STXBP5L: variants seen among roughly 807,000 people sequenced by gnomAD.
STXBP5L encodes syntaxin-binding protein 5-like.
A neutral mutation model predicts 144.5 loss-of-function variants in STXBP5L; 65 were observed. The ratio of observed to expected loss-of-function variants is 0.45; its 90% CI spans 0.37 to 0.55. The LOEUF is 0.55. Among genes scored for constraint, STXBP5L ranks in the 20% least tolerant of loss-of-function variants. The probability of loss-of-function intolerance (pLI) is 0.00; values close to 1 mark genes in which losing one functional copy is unlikely to be tolerated. For synonymous variants in STXBP5L, 505 were observed against 469.6 expected, an observed-to-expected ratio of 1.08 and a Z score of -0.97; for missense variants, 1,298 against 1,405.5, an observed-to-expected ratio of 0.92 and a Z score of 1.22.
intron 3 of STXBP5L, among the ~76,000 whole-genome samples, chr3:120,988,107 T>C (rs1942479423): frequency 1.3e-5 from 2 of 151,586 alleles, no homozygotes; most frequent in Non-Finnish European, 3.0e-5. Flanking sequence ...CTGCAGTTGA[T>C]TTTCTCTTTT....
chr3:120,913,643 C>T (rs2107556403), intron 2 of STXBP5L, among the ~76,000 whole-genome samples: 1 of 152,110 alleles, frequency 6.6e-6, no homozygotes, highest in South Asian at 2.1e-4. Context: ...TCTGTGTGGA[C>T]TTCTCTTCCA....
chr3:120,930,308 A>T (rs1040564355), intron 2 of STXBP5L, among the ~76,000 whole-genome samples: 1 of 151,628 alleles, frequency 6.6e-6, no homozygotes, highest in African/African-American at 2.4e-5. Flanking sequence ...ATTCTCTCTT[A>T]ACTGTTATTT....
intron 22 of STXBP5L, among the ~76,000 whole-genome samples, chr3:121,393,219 G>A (rs1336205651): frequency 6.9e-6 from 1 of 145,856 alleles, no homozygotes; most frequent in Non-Finnish European, 1.5e-5. Context: ...TTGGCCATTT[G>A]TATGTGTTGT....
At chr3:121,173,105 C>T (rs1219217145) in intron 9 of STXBP5L, among the ~76,000 whole-genome samples, 1 of 151,924 alleles carries the variant, frequency 6.6e-6, no homozygotes, top group African/African-American at 2.4e-5. Context: ...CATGTTCTCA[C>T]TCATAATTGG....
chr3:120,956,848 A>G (rs1938092720), intron 3 of STXBP5L, among the ~76,000 whole-genome samples: 1 of 151,784 alleles, frequency 6.6e-6, no homozygotes, highest in South Asian at 2.1e-4. Context: ...CAAGTTGGCT[A>G]TTTTTTTCTT....
intron 19 of STXBP5L, among the ~76,000 whole-genome samples, chr3:121,294,650 A>G (rs533761444): frequency 1.3e-5 from 2 of 152,182 alleles, no homozygotes; most frequent in African/African-American, 4.8e-5. Flanking sequence ...AAAGCAAGAG[A>G]GAGAGATAAG....
chr3:120,945,042 T>C (rs1300935631), intron 2 of STXBP5L, among the ~76,000 whole-genome samples: 1 of 151,892 alleles, frequency 6.6e-6, no homozygotes, highest in Non-Finnish European at 1.5e-5. Context: ...GGCTTTTGTT[T>C]ACCAAAGTGG....
At chr3:120,969,773 T>G (rs1940028987) in intron 3 of STXBP5L, among the ~76,000 whole-genome samples, 1 of 152,006 alleles carries the variant, frequency 6.6e-6, no homozygotes, top group African/African-American at 2.4e-5. Flanking sequence ...CTTGCACTCT[T>G]TTAATTGAAG....
At chr3:121,402,418 C>T (rs969236962) in intron 22 of STXBP5L, among the ~76,000 whole-genome samples, 1 of 152,152 alleles carries the variant, frequency 6.6e-6, no homozygotes, top group Non-Finnish European at 1.5e-5. Context: ...TCACTGGAAC[C>T]TTAATCTATT....
At chr3:120,977,984 C>G (rs1941281574) in intron 3 of STXBP5L, among the ~76,000 whole-genome samples, 1 of 152,154 alleles carries the variant, frequency 6.6e-6, no homozygotes, top group African/African-American at 2.4e-5. Flanking sequence ...AACATTTTTT[C>G]CTTCATTTCA....
chr3:121,380,090 C>T (rs1404038678), intron 21 of STXBP5L, among the ~76,000 whole-genome samples: 1 of 152,068 alleles, frequency 6.6e-6, no homozygotes, highest in Non-Finnish European at 1.5e-5. Flanking sequence ...TACAGACAGG[C>T]ATTAGCCACC....
chr3:121,102,561 G>T (rs909847554), intron 5 of STXBP5L, among the ~76,000 whole-genome samples: 2 of 152,020 alleles, frequency 1.3e-5, no homozygotes, highest in Non-Finnish European at 2.9e-5. Flanking sequence ...ACTCAAGAGG[G>T]TTTAAAGCTC....
At chr3:121,194,909 C>CTTTTTTTTTTTTT (rs10717806) in intron 9 of STXBP5L, among the ~76,000 whole-genome samples, 8 of 68,494 alleles carry the variant, frequency 1.2e-4, no homozygotes, top group African/African-American at 1.2e-4. Flanking sequence ...TCTTTTCACT[C>CTTTTTTTTTTTTT]TTTTTTTTTT....
intron 20 of STXBP5L, among the ~76,000 whole-genome samples, chr3:121,340,506 G>A (rs1188713509): frequency 6.1e-5 from 4 of 65,496 alleles, no homozygotes; most frequent in African/African-American, 1.8e-4. Flanking sequence ...GACAGGCCCC[G>A]GTGTGTGATA....
At chr3:121,233,833 A>G in intron 12 of STXBP5L, 145 bp downstream of exon 12, 1 of 606,488 alleles carries the variant, frequency 1.6e-6, no homozygotes, top group Non-Finnish European at 2.6e-6. Context: ...AATGGTGAAA[A>G]TTAAACCAGA....
At chr3:121,273,726 ATTCTT>A (rs1391341230) in intron 18 of STXBP5L, among the ~76,000 whole-genome samples, 1 of 151,152 alleles carries the variant, frequency 6.6e-6, no homozygotes, top group Admixed American at 6.6e-5. Flanking sequence ...CCTCTTTTCT[ATTCTT>A]ATCTATTTTT....
chr3:120,995,770 ACAAT>A (rs1266409465), intron 3 of STXBP5L, among the ~76,000 whole-genome samples: 2 of 152,130 alleles, frequency 1.3e-5, no homozygotes, highest in African/African-American at 4.8e-5. Context: ...TGTGGATTCA[ACAAT>A]CAAATATGAC....
chr3:121,155,456 T>C (rs2046081666), intron 8 of STXBP5L, among the ~76,000 whole-genome samples: 1 of 151,862 alleles, frequency 6.6e-6, no homozygotes, highest in East Asian at 1.9e-4. Context: ...GATATTGTTA[T>C]CCAGTTTTTT....
intron 9 of STXBP5L, among the ~76,000 whole-genome samples, chr3:121,197,135 G>A (rs926461171): frequency 6.6e-5 from 10 of 151,794 alleles, no homozygotes; most frequent in South Asian, 6.2e-4. Flanking sequence ...CGTTTCTTTC[G>A]TTTGTTATTC....
Sources: allele counts gnomAD v4.1 joint callset (sites outside exome capture counted in the v4.1 genomes callset), GRCh38; gene constraint gnomAD v4.1.1; transcripts MANE v1.5; gene names NCBI Gene and HGNC (gene_info 2026-07-23, HGNC 2026-07-21).